The following TCEA3 variants were observed in gnomAD, a reference collection of about 807,000 sequenced individuals.
The protein encoded by TCEA3 is transcription elongation factor A protein 3.
Under a neutral mutation model 44.0 loss-of-function variants are expected in TCEA3, and 36 were observed. The observed-to-expected ratio is 0.82, with a 90% CI of 0.63 to 1.08. The LOEUF (loss-of-function observed/expected upper bound fraction) is 1.08. Among genes scored for constraint, TCEA3 ranks in the 50% least tolerant of loss-of-function variants. TCEA3 has a pLI of 0.00. For missense variants in TCEA3, 392 were observed against 441.2 expected (o/e 0.89, Z 1.00); for synonymous variants, 162 against 159.7 (o/e 1.01, Z -0.11).
chr1:23,392,448 ACAC>A (rs1558030498), intron 8 of TCEA3, among the ~76,000 whole-genome samples: 116 of 24,936 alleles, frequency 4.7e-3, no homozygotes, highest in Admixed American at 7.4e-3. Flanking sequence ...CATGCACAAT[ACAC>A]ACACACTCCA....
chr1:23,424,564 C>G lies in TCEA3; in HGVS notation c.69+1G>C, dbSNP rs1640163901. 6.2e-7 allele frequency: 1 copy of G among 1,607,374 alleles called. No homozygotes were observed. Among genetic ancestry groups the G allele is most frequent in the South Asian group, 1.1e-5 (1 of 90,972 alleles). On this transcript the variant is annotated splice_donor_variant, in intron 1 of 10. Coordinates refer to ENST00000450454, the MANE Select transcript of TCEA3 (RefSeq NM_003196.3). LOFTEE classifies it high-confidence loss of function. ...CCGTGGCCCAAACTCTGCAGCCTCA[C>G]CGTGTTCTTCCTGGCCACCATCTTC...
At position 23,417,252 on chromosome 1, in the gene TCEA3, G is replaced by T; in HGVS notation, c.377C>A (p.Thr126Asn). The stretch of plus-strand genomic sequence containing the variant: ...TCTCCATCCCAAAAAAGAATACCTG[G>T]TTTTGGGGTCTTCTCGTTTTTTCCT... ...PPRKKREDPK[T>N]RRDSVDSKSS... The change falls in exon 4 of 11, where the codon ACC becomes AAC. Residue 126 changes from threonine to asparagine, a missense_variant. Thr to Asn is a moderately conservative substitution (Grantham distance 65, BLOSUM62 0). Coordinates refer to ENST00000450454, the MANE Select transcript of TCEA3 (RefSeq NM_003196.3). 1 of 1,613,686 alleles carries T rather than the reference G, an allele frequency of 6.2e-7. No individual in the cohort carries two copies. Among genetic ancestry groups the T allele is most frequent in the Non-Finnish European group, 8.5e-7 (1 of 1,179,810 alleles).
chr1:23,418,802 C>T (rs1639970072), intron 2 of TCEA3, among the ~76,000 whole-genome samples: 1 of 152,080 alleles, frequency 6.6e-6, no homozygotes, highest in South Asian at 2.1e-4. Flanking sequence ...TCCCACAGGC[C>T]CAGGGCCTTG....
chr1:23,418,085 C>T, intron 2 of TCEA3, 76 bp from the exon 3 acceptor site: 1 of 1,420,066 alleles, frequency 7.0e-7, no homozygotes, highest in Non-Finnish European at 9.8e-7. Flanking sequence ...CAGATCCTGC[C>T]CCAGCTCTAC....
intron 5 of TCEA3, among the ~76,000 whole-genome samples, chr1:23,405,040 G>C (rs1639503404): frequency 1.3e-5 from 2 of 152,068 alleles, no homozygotes; most frequent in Admixed American, 6.5e-5. Context: ...TGGCACCCTG[G>C]ACCTGCATTT....
At chr1:23,383,599 A>C in intron 10 of TCEA3, 1 of 985,408 alleles carries the variant, frequency 1.0e-6, no homozygotes, top group Non-Finnish European at 1.2e-6. Context: ...AGGGATCCTG[A>C]CTTATCTTGT....
chr1:23,397,493 G>T (rs1172487100), intron 7 of TCEA3, 52 bp downstream of exon 7: 2 of 1,561,992 alleles, frequency 1.3e-6, no homozygotes, highest in South Asian at 2.3e-5. Flanking sequence ...ACCTTGGATG[G>T]GTGCTGCTAG....
intron 8 of TCEA3, among the ~76,000 whole-genome samples, chr1:23,393,167 T>G (rs979673775): frequency 1.3e-4 from 20 of 152,142 alleles, no homozygotes; most frequent in African/African-American, 4.3e-4. Flanking sequence ...CCTATGAGAA[T>G]CTAATGCCGT....
At chr1:23,419,790 C>T (rs1640003919) in intron 1 of TCEA3, among the ~76,000 whole-genome samples, 1 of 152,202 alleles carries the variant, frequency 6.6e-6, no homozygotes, top group Admixed American at 6.5e-5. Flanking sequence ...GAGCCAAGAT[C>T]ACACCACTGC....
chr1:23,391,411 AC>A (rs1483951799), intron 8 of TCEA3, among the ~76,000 whole-genome samples: 1 of 151,676 alleles, frequency 6.6e-6, no homozygotes, highest in Non-Finnish European at 1.5e-5. Flanking sequence ...TGAAATCCTA[AC>A]CCCAAGGCAA....
At chr1:23,408,151 G>A (rs551394054) in intron 5 of TCEA3, among the ~76,000 whole-genome samples, 8 of 152,160 alleles carry the variant, frequency 5.3e-5, no homozygotes, top group Non-Finnish European at 8.8e-5. Flanking sequence ...TAGTAGAGGC[G>A]GGGTTTTGCC....
At chr1:23,390,010 A>C (rs554705435) in intron 8 of TCEA3, among the ~76,000 whole-genome samples, 47 of 152,312 alleles carry the variant, frequency 3.1e-4, no homozygotes, top group Admixed American at 9.8e-4. Flanking sequence ...CGAGATTGCA[A>C]GAGAGGGAAG....
chr1:23,419,496 C>A, intron 1 of TCEA3: 1 of 198,112 alleles, frequency 5.0e-6, no homozygotes, highest in East Asian at 1.1e-4. Flanking sequence ...CTTACCTCCC[C>A]ACTGTGAACT....
At chr1:23,397,745 GA>G in intron 6 of TCEA3, 46 bp downstream of exon 6, 1 of 1,613,096 alleles carries the variant, frequency 6.2e-7, no homozygotes, top group East Asian at 2.2e-5. Flanking sequence ...GTGAGATTGG[GA>G]AAAGGGACTC....
rs1341073029 is a variant in TCEA3, at chr1:23,417,336, T to C, written c.293A>G (p.Lys98Arg). Residue 98 changes from lysine (K) to arginine (R), a missense_variant, in exon 4 of 11, where the codon AAG becomes AGG. Lys to Arg is a conservative substitution (Grantham distance 26). Transcript: ENST00000450454. The stretch of plus-strand genomic sequence containing the variant: ...TGAACACTCAAGCCCTTTTTCCTTC[T>C]TCTTTGCCTTTTCTCTTTCCTCTCC... ...EKGEEREKAK[K>R]KEKGLECSDW... The C allele has an allele frequency of 1.2e-6, 2 of 1,614,026 alleles. No homozygotes were observed. The highest frequency in any genetic ancestry group is 3.3e-5 in the Admixed American group (2 of 60,028).
At chr1:23,404,208 AAC>A (rs1466033353) in intron 5 of TCEA3, 2 of 702,014 alleles carry the variant, frequency 2.8e-6, no homozygotes, top group Non-Finnish European at 5.2e-6. Context: ...GACAACTGAG[AAC>A]AGTCAACTTT....
At chr1:23,385,725 A>T (rs540875102) in intron 9 of TCEA3, among the ~76,000 whole-genome samples, 1 of 152,332 alleles carries the variant, frequency 6.6e-6, no homozygotes, top group South Asian at 2.1e-4. Flanking sequence ...AGAGGAGGCC[A>T]TTCTCTGGTT....
chr1:23,392,626 T>C, intron 8 of TCEA3, among the ~76,000 whole-genome samples: 2 of 128,874 alleles, frequency 1.6e-5, no homozygotes, highest in Non-Finnish European at 1.6e-5. Context: ...ACACACACAC[T>C]CCACACATCA....
At chr1:23,413,635 T>C (rs573745346) in intron 4 of TCEA3, among the ~76,000 whole-genome samples, 2 of 151,742 alleles carry the variant, frequency 1.3e-5, no homozygotes, top group South Asian at 2.1e-4. Context: ...GGTTTCACCA[T>C]GTAGGCCAGG....
Sources: allele counts gnomAD v4.1 joint callset (sites outside exome capture counted in the v4.1 genomes callset), GRCh38; gene constraint gnomAD v4.1.1; transcripts MANE v1.5; gene names NCBI Gene and HGNC (gene_info 2026-07-23, HGNC 2026-07-21).